FAM13C: variants seen among roughly 807,000 people sequenced by gnomAD.
The protein encoded by FAM13C is protein FAM13C.
Under a neutral mutation model 73.2 loss-of-function variants are expected in FAM13C, and 37 were observed. The observed-to-expected ratio is 0.51, with a 90% CI of 0.39 to 0.67. The LOEUF (loss-of-function observed/expected upper bound fraction) is 0.67. Among genes scored for constraint, FAM13C ranks in the 30% least tolerant of loss-of-function variants. The probability of loss-of-function intolerance (pLI) is 0.00; values close to 1 mark genes in which losing one functional copy is unlikely to be tolerated. For missense variants in FAM13C, 589 were observed against 715.6 expected (o/e 0.82, Z 2.02); for synonymous variants, 246 against 260.9 (o/e 0.94, Z 0.55).
intron 4 of FAM13C, among the ~76,000 whole-genome samples, chr10:59,319,990 A>T (rs2133994977): frequency 6.6e-6 from 1 of 152,328 alleles, no homozygotes; most frequent in Non-Finnish European, 1.5e-5. Flanking sequence ...ACTTAGCTCC[A>T]GGGAGCTACA....
chr10:59,321,602 T>C (rs1201917984), intron 4 of FAM13C, among the ~76,000 whole-genome samples: 3 of 152,086 alleles, frequency 2.0e-5, no homozygotes, highest in South Asian at 2.1e-4. Flanking sequence ...AACACATTCA[T>C]AGACCTTCCT....
chr10:59,249,916 G>C (rs1841207061), intron 13 of FAM13C, among the ~76,000 whole-genome samples: 1 of 152,170 alleles, frequency 6.6e-6, no homozygotes, highest in Non-Finnish European at 1.5e-5. Context: ...CACACCAAGT[G>C]ACACTGCAGA....
At chr10:59,286,352 T>A (rs868073679) in intron 5 of FAM13C, among the ~76,000 whole-genome samples, 9 of 151,360 alleles carry the variant, frequency 5.9e-5, no homozygotes, top group African/African-American at 2.2e-4. Context: ...TCGTCTATAC[T>A]AAAAATATAA....
intron 8 of FAM13C, among the ~76,000 whole-genome samples, chr10:59,264,902 A>G (rs769840749): frequency 6.0e-4 from 91 of 152,128 alleles, no homozygotes; most frequent in Non-Finnish European, 1.1e-3. Flanking sequence ...ACTTTAAATT[A>G]AGGATGTACA....
chr10:59,247,459 T>C lies in FAM13C; in HGVS notation c.*155A>G. The stretch of plus-strand genomic sequence containing the variant: ...CCCGTTTAAATCCCTTCTCCTTGTA[T>C]ATAATTAAACTTGCTATTCCTTCTT... On this transcript the variant is annotated 3_prime_UTR_variant, in exon 14 of 14. Coordinates refer to ENST00000618804, the MANE Select transcript of FAM13C (RefSeq NM_198215.4). 3.5e-6 allele frequency: 3 copies of C among 868,822 alleles called. No individual in the cohort carries two copies. Among genetic ancestry groups the C allele is most frequent in the Non-Finnish European group, 5.4e-6 (3 of 552,900 alleles). 53.8% of individuals were successfully genotyped at this position (868,822 alleles called of 1,614,324 possible).
In FAM13C at chr10:59,352,352, C is replaced by T. The variant is rs761467733; in HGVS notation, c.242G>A (p.Arg81Gln). Residue 81 changes from arginine to glutamine, a missense_variant, in exon 3 of 14, where the codon CGA (arginine) becomes CAA (glutamine). By Grantham distance (43) the Arg-to-Gln change is conservative (BLOSUM62 1). Coordinates refer to ENST00000618804, the MANE Select transcript of FAM13C (RefSeq NM_198215.4). ...GGACTTGAAGTTGCCCATGCTGGGTCGCAATACGCTGTCCACCAGCACGGT... is the reference window on the plus strand; with the variant it reads ...GGACTTGAAGTTGCCCATGCTGGGTTGCAATACGCTGTCCACCAGCACGGT... ...EATVLVDSVL[R>Q]PSMGNFKSRK... is the part of the protein sequence containing the mutation. 7 of 1,614,176 alleles carry T rather than the reference C, an allele frequency of 4.3e-6. No individual in the cohort carries two copies. The highest frequency in any genetic ancestry group is 5.9e-6 in the Non-Finnish European group (7 of 1,180,038).
intron 5 of FAM13C, among the ~76,000 whole-genome samples, chr10:59,291,750 T>C (rs1318788947): frequency 5.3e-5 from 8 of 151,818 alleles, no homozygotes; most frequent in African/African-American, 1.9e-4. Context: ...AAGAACAAGA[T>C]GTTTGGGAGA....
At chr10:59,345,978 C>A (rs951875548) in intron 3 of FAM13C, among the ~76,000 whole-genome samples, 2 of 152,044 alleles carry the variant, frequency 1.3e-5, no homozygotes, top group Non-Finnish European at 2.9e-5. Context: ...AGAATAGAGC[C>A]CTCAAAGCCA....
chr10:59,344,284 C>CT (rs112317127), intron 3 of FAM13C, among the ~76,000 whole-genome samples: 342 of 120,494 alleles, frequency 2.8e-3, no homozygotes, highest in African/African-American at 7.3e-3. Context: ...TTCTTTTTTT[C>CT]TTTTTTTTTT....
At chr10:59,355,802 A>G (rs957537789) in intron 2 of FAM13C, 85 bp downstream of exon 2, 48 of 1,228,520 alleles carry the variant, frequency 3.9e-5, no homozygotes, top group Non-Finnish European at 5.5e-5. Flanking sequence ...GAATTCAAAG[A>G]AGAGACTAGA....
intron 5 of FAM13C, among the ~76,000 whole-genome samples, chr10:59,284,039 G>A (rs551653474): frequency 3.3e-5 from 5 of 152,126 alleles, no homozygotes; most frequent in Admixed American, 1.3e-4. Context: ...GTATGTGTGT[G>A]TGTGTGTGTG....
chr10:59,265,014 C>G (rs1342439439), intron 8 of FAM13C, among the ~76,000 whole-genome samples: 2 of 151,676 alleles, frequency 1.3e-5, no homozygotes, highest in Non-Finnish European at 2.9e-5. Flanking sequence ...CATTTTTTTT[C>G]TTTAAGGATC....
At chr10:59,356,271 G>T (rs1196031763) in intron 1 of FAM13C, among the ~76,000 whole-genome samples, 1 of 152,096 alleles carries the variant, frequency 6.6e-6, no homozygotes, top group Non-Finnish European at 1.5e-5. Flanking sequence ...GACCAATACT[G>T]GTTGGCTCAA....
At chr10:59,276,493 T>C (rs1844339026) in intron 6 of FAM13C, among the ~76,000 whole-genome samples, 1 of 152,166 alleles carries the variant, frequency 6.6e-6, no homozygotes, top group South Asian at 2.1e-4. Flanking sequence ...AGGAATTAGA[T>C]AGTATGCTTT....
intron 3 of FAM13C, among the ~76,000 whole-genome samples, chr10:59,342,349 A>G (rs1748411880): frequency 1.7e-5 from 1 of 60,320 alleles, no homozygotes. Flanking sequence ...TTTACCCTTT[A>G]AAGTTTGAAC....
intron 8 of FAM13C, among the ~76,000 whole-genome samples, chr10:59,266,021 A>G (rs2133510542): frequency 6.6e-6 from 1 of 152,332 alleles, no homozygotes; most frequent in East Asian, 1.9e-4. Flanking sequence ...GTGATCTGCC[A>G]AAGATGGTTC....
intron 13 of FAM13C, among the ~76,000 whole-genome samples, chr10:59,250,169 G>T (rs182825213): frequency 6.6e-6 from 1 of 152,152 alleles, no homozygotes; most frequent in African/African-American, 2.4e-5. Flanking sequence ...TAATCCAAAA[G>T]AGGCAGAGAT....
chr10:59,326,358 C>T (rs1221725210), intron 3 of FAM13C, among the ~76,000 whole-genome samples: 2 of 152,020 alleles, frequency 1.3e-5, no homozygotes, highest in East Asian at 3.9e-4. Context: ...TTTCAAACCT[C>T]AAGATGGTAT....
upstream of FAM13C, chr10:59,362,595 A>T (rs528257344): frequency 6.6e-7 from 1 of 1,504,656 alleles, no homozygotes. Flanking sequence ...CTGTCTGCAC[A>T]TGCTCGTAAC....
Sources: gnomAD v4.1 joint callset for allele counts (sites outside exome capture counted in the v4.1 genomes callset) on GRCh38, gnomAD v4.1.1 for gene constraint, MANE v1.5 for transcripts, NCBI Gene and HGNC (gene_info 2026-07-23, HGNC 2026-07-21) for gene names.